Variants in MYRFL observed in about 807,000 individuals in gnomAD.
MYRFL encodes myelin regulatory factor-like protein.
In MYRFL, 88 loss-of-function variants were observed where a neutral mutation model predicts 109.4. The observed-to-expected ratio is 0.80, with a 90% CI of 0.68 to 0.96. MYRFL has a LOEUF of 0.96. MYRFL is among the 40% of genes least tolerant of loss of function. The pLI, the probability that MYRFL is intolerant of heterozygous loss-of-function variation, is 0.00. For synonymous variants in MYRFL, 324 were observed against 320.9 expected (o/e 1.01, Z -0.10); for missense variants, 957 against 954.9 (o/e 1.00, Z -0.03).
intron 2 of MYRFL, among the ~76,000 whole-genome samples, chr12:69,863,023 T>C (rs1166343381): frequency 2.0e-5 from 3 of 151,996 alleles, no homozygotes; most frequent in African/African-American, 7.2e-5. Context: ...GGTTTTTGTC[T>C]TTGGTTCTGT....
At chr12:69,940,601 G>A (rs560242960) in intron 19 of MYRFL, among the ~76,000 whole-genome samples, 7 of 151,972 alleles carry the variant, frequency 4.6e-5, no homozygotes, top group South Asian at 2.1e-4. Flanking sequence ...CAAAATCATC[G>A]AGGCTAGGAA....
intron 19 of MYRFL, among the ~76,000 whole-genome samples, chr12:69,949,882 T>C (rs967830609): frequency 1.1e-4 from 16 of 152,176 alleles, no homozygotes; most frequent in African/African-American, 3.6e-4. Flanking sequence ...TCTTTATTCC[T>C]ATCCACAAGC....
Position 69,952,182 on chromosome 12 carries a change from T to A in MYRFL, c.2287+7T>A. 1 of 1,535,992 alleles carries A rather than the reference T, an allele frequency of 6.5e-7. No homozygotes were observed. The highest frequency in any genetic ancestry group is 8.7e-7 in the Non-Finnish European group (1 of 1,146,748). On this transcript the variant is annotated splice_region_variant and intron_variant, in intron 20 of 24. Transcript: ENST00000552032. ...CCTGACTGGGAGAGTGACTGTAAGT[T>A]GACATTTAAGTGACACTATTCTTTG... is the stretch of plus-strand genomic sequence containing the variant.
intron 10 of MYRFL, among the ~76,000 whole-genome samples, chr12:69,901,188 A>T (rs1170449389): frequency 6.6e-6 from 1 of 152,204 alleles, no homozygotes; most frequent in African/African-American, 2.4e-5. Context: ...CAAACAATAA[A>T]AATATTTTAG....
chr12:69,825,342 A>T lies in MYRFL; in HGVS notation c.-176A>T. On this transcript the variant is annotated 5_prime_UTR_variant, in exon 1 of 25. Coordinates refer to ENST00000552032, the MANE Select transcript of MYRFL (RefSeq NM_182530.3). Reference sequence around the variant, plus strand: ...TTCCAGTTTTATAATCACATTTGAAAACTCAACCATCTTTCTGGGCACAAT... The same window carrying T: ...TTCCAGTTTTATAATCACATTTGAATACTCAACCATCTTTCTGGGCACAAT... 1 of 697,288 alleles carries T rather than the reference A, an allele frequency of 1.4e-6. No homozygotes were observed. The highest frequency in any genetic ancestry group is 2.6e-6 in the Non-Finnish European group (1 of 381,890). The allele number at this position is 697,288 out of a possible 1,614,324, so 43.2% of individuals were successfully genotyped here.
At chr12:69,908,442 C>T (rs542341332) in intron 11 of MYRFL, among the ~76,000 whole-genome samples, 2 of 152,232 alleles carry the variant, frequency 1.3e-5, no homozygotes, top group South Asian at 4.2e-4. Flanking sequence ...AAGGGGAAGG[C>T]AGGGGAATGG....
In MYRFL at chr12:69,880,248, AG is replaced by A. The variant is rs1885980809; in HGVS notation, c.514del (p.Asp172ThrfsTer15). ...AAGAGAAAGTGCACGCAGGCACTGG[AG>A]GACTCCGGGGAATGCCGAGTGTGGG... Reference protein sequence around the residue: ...TKKRKCTQALEDSGECRVWAC... With the variant: ...TKKRKCTQALXDSGECRVWAC... On this transcript the variant is annotated frameshift_variant, in exon 5 of 25. Coordinates refer to ENST00000552032, the MANE Select transcript of MYRFL (RefSeq NM_182530.3). LOFTEE classifies it high-confidence loss of function. The A allele has an allele frequency of 7.1e-6, 5 of 702,738 alleles. No individual in the cohort carries two copies. The highest frequency in any genetic ancestry group is 1.3e-5 in the Non-Finnish European group (5 of 384,790). The allele number at this position is 702,738 out of a possible 1,614,324, so 43.5% of individuals were successfully genotyped here. A position where few individuals can be genotyped will look rare whatever the true frequency, so the allele number is the denominator to read the frequency against.
In MYRFL at chr12:69,891,024, C is replaced by G. The variant is rs1328865167; in HGVS notation, c.761C>G (p.Ala254Gly). 2 of 1,534,318 alleles carry G rather than the reference C, an allele frequency of 1.3e-6. No individual in the cohort carries two copies. Among genetic ancestry groups the G allele is most frequent in the East Asian group, 2.4e-5 (1 of 40,876 alleles). Residue 254 changes from alanine (A) to glycine (G), a missense_variant, in exon 7 of 25, where the codon GCA (alanine) becomes GGA (glycine). Physicochemically the swap from Ala to Gly is moderately conservative, Grantham distance 60. Transcript: ENST00000552032. ...VTDKGFNFSP[A>G]DEAFVCQKKN... ...GACAAAGGATTTAATTTTTCACCAGCAGATGAAGCTTTTGTTTGCCAAAAG... is the reference window on the plus strand; with the variant it reads ...GACAAAGGATTTAATTTTTCACCAGGAGATGAAGCTTTTGTTTGCCAAAAG...
intron 2 of MYRFL, among the ~76,000 whole-genome samples, chr12:69,870,849 G>A (rs541398048): frequency 2.6e-5 from 4 of 152,250 alleles, no homozygotes; most frequent in Admixed American, 6.5e-5. Flanking sequence ...GTCACTCAAC[G>A]CAGGGACTTT....
At chr12:69,926,547 C>T (rs1955089191) in intron 13 of MYRFL, 24 bp from the exon 14 acceptor site, 7 of 1,463,790 alleles carry the variant, frequency 4.8e-6, no homozygotes, top group Non-Finnish European at 6.3e-6. Context: ...AATTTATGCA[C>T]TCTGTTTGAT....
intron 19 of MYRFL, among the ~76,000 whole-genome samples, chr12:69,945,456 C>T (rs1442929110): frequency 6.6e-6 from 1 of 152,182 alleles, no homozygotes; most frequent in Non-Finnish European, 1.5e-5. Context: ...ACAGTATTTA[C>T]AGTAACATGC....
intron 13 of MYRFL, among the ~76,000 whole-genome samples, chr12:69,918,138 A>G (rs1371464116): frequency 6.6e-6 from 1 of 152,200 alleles, no homozygotes; most frequent in African/African-American, 2.4e-5. Flanking sequence ...AGATCTTCAT[A>G]AAAGTATCAG....
intron 10 of MYRFL, among the ~76,000 whole-genome samples, chr12:69,902,045 C>T (rs1020720957): frequency 6.6e-6 from 1 of 152,054 alleles, no homozygotes; most frequent in African/African-American, 2.4e-5. Context: ...AGGAACATGC[C>T]ACCACACATG....
At position 69,916,911 on chromosome 12, in the gene MYRFL, C is replaced by T. The variant is rs541096447; in HGVS notation, c.1602+5981C>T. 7.2e-5 allele frequency among the ~76,000 whole-genome samples: 11 copies of T among 152,336 alleles called. No homozygotes were observed. The South Asian group carries it at 1.0e-3, about 14-fold the overall frequency. On this transcript the variant is annotated intron_variant, in intron 13 of 24. Transcript: ENST00000552032. ...TGGAAGCCTTTGCTACTGCCCAACA[C>T]TTTGCACTGAAAACTCCTACATATT... is the stretch of plus-strand genomic sequence containing the variant.
At chr12:69,835,848 G>T (rs1882905731) in intron 1 of MYRFL, among the ~76,000 whole-genome samples, 1 of 152,166 alleles carries the variant, frequency 6.6e-6, no homozygotes, top group Admixed American at 6.5e-5. Flanking sequence ...CAACACCATG[G>T]CAGTGTCTAG....
chr12:69,911,540 C>T (rs7314810), intron 13 of MYRFL, among the ~76,000 whole-genome samples: 54,208 of 152,036 alleles, frequency 0.36, 10,499 homozygotes, highest in African/African-American at 0.5. Flanking sequence ...ATATTCAAAT[C>T]ATTCTCTTTT....
chr12:69,926,923 TC>T lies in MYRFL; in HGVS notation c.1766+190del, dbSNP rs1955103785. 1.6e-4 allele frequency among the ~76,000 whole-genome samples: 21 copies of T among 133,332 alleles called. 6 individuals carry two copies. The highest frequency in any genetic ancestry group is 2.8e-4 in the African/African-American group (10 of 36,082). The allele number at this position is 133,332 out of a possible 152,430, so 87.5% of individuals were successfully genotyped here. Reference sequence around the variant, plus strand: ...GATGTGATAACTTTCTTAGTTTTTTTCTGTTGCTGGTTTTTTTTTTTTTTTT... The same window carrying T: ...GATGTGATAACTTTCTTAGTTTTTTTTGTTGCTGGTTTTTTTTTTTTTTTT... On this transcript the variant is annotated intron_variant, in intron 14 of 24. Coordinates refer to ENST00000552032, the MANE Select transcript of MYRFL (RefSeq NM_182530.3).
intron 23 of MYRFL, 55 bp downstream of exon 23, chr12:69,957,997 T>C: frequency 2.0e-6 from 3 of 1,499,804 alleles, no homozygotes; most frequent in Non-Finnish European, 2.7e-6. Flanking sequence ...ATTGAGCAAA[T>C]TGCCAGTGTT....
intron 2 of MYRFL, among the ~76,000 whole-genome samples, chr12:69,857,235 A>G (rs1884349826): frequency 6.6e-6 from 1 of 151,812 alleles, no homozygotes; most frequent in South Asian, 2.1e-4. Context: ...CGTGCCTATC[A>G]TTTTGCCAAC....
Sources: gnomAD v4.1 joint callset for allele counts (sites outside exome capture counted in the v4.1 genomes callset) on GRCh38, gnomAD v4.1.1 for gene constraint, MANE v1.5 for transcripts, NCBI Gene and HGNC (gene_info 2026-07-23, HGNC 2026-07-21) for gene names.